The following EML4 variants were observed in gnomAD, a reference collection of about 807,000 sequenced individuals.
EML4 encodes the protein EMAP like 4.
A neutral mutation model predicts 129.0 loss-of-function variants in EML4; 72 were observed. The ratio of observed to expected loss-of-function variants is 0.56; its 90% CI spans 0.46 to 0.68. EML4 has a LOEUF of 0.68. Among genes scored for constraint, EML4 ranks in the 30% least tolerant of loss-of-function variants. The probability of loss-of-function intolerance (pLI) is 0.00; values close to 1 mark genes in which losing one functional copy is unlikely to be tolerated. For missense variants in EML4, 1,363 were observed against 1,190.6 expected, an observed-to-expected ratio of 1.14 and a Z score of -2.13; for synonymous variants, 532 against 405.0, an observed-to-expected ratio of 1.31 and a Z score of -3.77.
intron 19 of EML4, among the ~76,000 whole-genome samples, chr2:42,320,449 C>G (rs1275090880): frequency 1.3e-5 from 2 of 152,032 alleles, no homozygotes; most frequent in Non-Finnish European, 2.9e-5. Context: ...ATCTATGCAT[C>G]CTAACCATCT....
intron 3 of EML4, among the ~76,000 whole-genome samples, chr2:42,260,054 A>T (rs1488182420): frequency 1.3e-5 from 2 of 149,220 alleles, no homozygotes; most frequent in African/African-American, 4.9e-5. Flanking sequence ...TTAAAGAGAC[A>T]GAGTCTCACT....
At chr2:42,255,279 G>A (rs1283075665) in intron 2 of EML4, among the ~76,000 whole-genome samples, 4 of 151,966 alleles carry the variant, frequency 2.6e-5, no homozygotes, top group Admixed American at 2.0e-4. Context: ...TAGATACAGG[G>A]TTTCAGCATG....
chr2:42,284,470 C>G (rs769007870), intron 8 of EML4, among the ~76,000 whole-genome samples, 164 bp from the exon 9 acceptor site: 5 of 152,136 alleles, frequency 3.3e-5, no homozygotes, highest in African/African-American at 4.8e-5. Context: ...GCTGAAAATT[C>G]AGAAATCTTC....
At chr2:42,238,566 GA>G (rs1674825551) in intron 1 of EML4, among the ~76,000 whole-genome samples, 1 of 152,090 alleles carries the variant, frequency 6.6e-6, no homozygotes, top group Admixed American at 6.6e-5. Flanking sequence ...AATATTGTGA[GA>G]CCCATCTCTA....
intron 1 of EML4, among the ~76,000 whole-genome samples, chr2:42,241,819 G>C (rs1413378521): frequency 1.3e-5 from 2 of 148,226 alleles, no homozygotes; most frequent in East Asian, 3.9e-4. Flanking sequence ...AAGTTATTTA[G>C]TTTGAGCTAT....
At chr2:42,276,141 A>C (rs975951703) in intron 6 of EML4, among the ~76,000 whole-genome samples, 1 of 152,170 alleles carries the variant, frequency 6.6e-6, no homozygotes. Flanking sequence ...CCCAAGGTAA[A>C]GAGTGTCTTC....
chr2:42,297,204 A>G (rs1668008077), intron 13 of EML4, among the ~76,000 whole-genome samples: 1 of 152,036 alleles, frequency 6.6e-6, no homozygotes, highest in African/African-American at 2.4e-5. Flanking sequence ...TACTTTTCCC[A>G]TTTATTTCTC....
chr2:42,239,274 A>T (rs772563972), intron 1 of EML4, among the ~76,000 whole-genome samples: 2 of 152,202 alleles, frequency 1.3e-5, no homozygotes, highest in Non-Finnish European at 1.5e-5. Flanking sequence ...ATGTGTAGGC[A>T]TGTCTTATTC....
At chr2:42,219,114 A>G (rs919835987) in intron 1 of EML4, among the ~76,000 whole-genome samples, 1 of 152,240 alleles carries the variant, frequency 6.6e-6, no homozygotes, top group African/African-American at 2.4e-5. Flanking sequence ...CACAGTGAAC[A>G]TAGAAAGTTT....
In EML4 at chr2:42,330,003, T is replaced by C. The variant is rs758879831; in HGVS notation, c.2742T>C (p.Ser914=). Residue 914 remains serine, a synonymous_variant, in exon 23 of 23, where the codon AGT becomes AGC. Coordinates refer to ENST00000318522, the MANE Select transcript of EML4 (RefSeq NM_019063.5). ...TAAATGAGACAGCTGAAGAGGAAAG[T>C]AGAATAAGCAGTTCTCCCACACTTC... is the stretch of plus-strand genomic sequence containing the variant. ...QPLNETAEEE[S]RISSSPTLLE... is the part of the protein sequence containing the mutation. 3.1e-6 allele frequency: 5 copies of C among 1,613,324 alleles called. No individual in the cohort carries two copies. Among genetic ancestry groups the C allele is most frequent in the African/African-American group, 2.7e-5 (2 of 74,730 alleles).
intron 10 of EML4, 102 bp from the exon 11 acceptor site, chr2:42,288,125 G>T: frequency 1.9e-6 from 1 of 513,336 alleles, no homozygotes. Context: ...AAAGGATTTT[G>T]GGTTATCTTA....
chr2:42,286,494 ATGCTAGCTAT>A (rs1420603134), intron 10 of EML4, 115 bp downstream of exon 10: 1 of 679,068 alleles, frequency 1.5e-6, no homozygotes, highest in African/African-American at 1.8e-5. Flanking sequence ...GAAAAATGAG[ATGCTAGCTAT>A]TGCTAACATA....
At chr2:42,221,299 T>C (rs1484093767) in intron 1 of EML4, among the ~76,000 whole-genome samples, 1 of 151,956 alleles carries the variant, frequency 6.6e-6, no homozygotes, top group East Asian at 1.9e-4. Flanking sequence ...TTGACCATTC[T>C]GAAAATCCTA....
intron 6 of EML4, among the ~76,000 whole-genome samples, chr2:42,267,101 A>G (rs982526923): frequency 3.3e-5 from 5 of 152,104 alleles, no homozygotes; most frequent in African/African-American, 4.8e-5. Context: ...GGTTACTTCA[A>G]CCTCCCTAAG....
At chr2:42,273,837 A>C (rs1157570528) in intron 6 of EML4, among the ~76,000 whole-genome samples, 9 of 152,186 alleles carry the variant, frequency 5.9e-5, no homozygotes. Context: ...TTATGATTTA[A>C]CTATTTTTAC....
At chr2:42,179,936 A>G (rs1355866852) in intron 1 of EML4, among the ~76,000 whole-genome samples, 1 of 152,166 alleles carries the variant, frequency 6.6e-6, no homozygotes, top group East Asian at 1.9e-4. Flanking sequence ...ATACGTGTAC[A>G]TATAGAGGGA....
At chr2:42,181,037 A>G (rs759781097) in intron 1 of EML4, among the ~76,000 whole-genome samples, 2 of 152,234 alleles carry the variant, frequency 1.3e-5, no homozygotes, top group Non-Finnish European at 2.9e-5. Context: ...GTCTCATTGC[A>G]TCCTATTAGG....
chr2:42,292,612 G>C (rs1252922897), intron 11 of EML4, among the ~76,000 whole-genome samples: 2 of 152,148 alleles, frequency 1.3e-5, no homozygotes, highest in Non-Finnish European at 2.9e-5. Flanking sequence ...TAGAGGAAGG[G>C]GATAGTGACT....
intron 1 of EML4, among the ~76,000 whole-genome samples, chr2:42,199,125 G>A (rs1211264303): frequency 2.0e-5 from 3 of 152,244 alleles, no homozygotes; most frequent in Admixed American, 6.5e-5. Flanking sequence ...AAAGGGTGAA[G>A]TGTGATGGGG....
Sources: gnomAD v4.1 joint callset for allele counts (sites outside exome capture counted in the v4.1 genomes callset) on GRCh38, gnomAD v4.1.1 for gene constraint, MANE v1.5 for transcripts, NCBI Gene and HGNC (gene_info 2026-07-23, HGNC 2026-07-21) for gene names.